The following TSPAN14 variants were observed in gnomAD, a reference collection of about 807,000 sequenced individuals.
TSPAN14 encodes the protein tetraspanin-14.
Under a neutral mutation model 36.6 loss-of-function variants are expected in TSPAN14, and 16 were observed. The ratio of observed to expected loss-of-function variants is 0.44; its 90% CI spans 0.30 to 0.66. TSPAN14 has a LOEUF of 0.66. Ranked by LOEUF, TSPAN14 falls within the 30% of genes least tolerant of loss-of-function variation. TSPAN14 has a pLI of 0.12. For missense variants in TSPAN14, 231 were observed against 355.1 expected (o/e 0.65, Z 2.81); for synonymous variants, 139 against 143.8 (o/e 0.97, Z 0.24).
intron 1 of TSPAN14, among the ~76,000 whole-genome samples, chr10:80,458,852 T>C (rs1452293250): frequency 6.6e-6 from 1 of 152,088 alleles, no homozygotes; most frequent in Non-Finnish European, 1.5e-5. Flanking sequence ...CCGCTCTCAA[T>C]TAAACGTGAA....
intron 7 of TSPAN14, 182 bp from the exon 8 acceptor site, chr10:80,516,022 C>A: frequency 1.2e-6 from 1 of 830,342 alleles, no homozygotes; most frequent in Non-Finnish European, 1.8e-6. Context: ...TGGCACAGTG[C>A]CCAGCGAGGG....
At chr10:80,460,432 G>A (rs534403610) in intron 1 of TSPAN14, among the ~76,000 whole-genome samples, 17 of 152,172 alleles carry the variant, frequency 1.1e-4, no homozygotes, top group Non-Finnish European at 2.4e-4. Flanking sequence ...GGAACCCTAG[G>A]TCAGGACCAG....
intron 6 of TSPAN14, 108 bp downstream of exon 6, chr10:80,512,377 G>A: frequency 6.8e-7 from 1 of 1,467,158 alleles, no homozygotes; most frequent in South Asian, 1.4e-5. Context: ...GAGGTCTGAG[G>A]AGCAGGTGTG....
At chr10:80,506,863 T>C (rs1024675260) in intron 3 of TSPAN14, among the ~76,000 whole-genome samples, 1 of 152,190 alleles carries the variant, frequency 6.6e-6, no homozygotes, top group African/African-American at 2.4e-5. Context: ...AGGTGCCAAA[T>C]TGGGGGACTA....
intron 6 of TSPAN14, among the ~76,000 whole-genome samples, chr10:80,513,186 G>A (rs912415794): frequency 3.3e-5 from 5 of 152,110 alleles, no homozygotes; most frequent in East Asian, 1.9e-4. Context: ...GGTGTGGGCC[G>A]CTGTGCCTGT....
chr10:80,489,863 A>T (rs562713305), intron 2 of TSPAN14, among the ~76,000 whole-genome samples: 1 of 152,158 alleles, frequency 6.6e-6, no homozygotes, highest in Non-Finnish European at 1.5e-5. Context: ...TTGAGTACTA[A>T]TGAAGAGGCA....
At chr10:80,507,204 C>T in intron 3 of TSPAN14, 24 bp from the exon 4 acceptor site, 1 of 1,614,132 alleles carries the variant, frequency 6.2e-7, no homozygotes, top group South Asian at 1.1e-5. Flanking sequence ...GCCAGTGCTG[C>T]CCTGCTTTCT....
chr10:80,481,083 T>A (rs919583633), intron 1 of TSPAN14, among the ~76,000 whole-genome samples: 8 of 151,406 alleles, frequency 5.3e-5, no homozygotes, highest in Non-Finnish European at 1.0e-4. Context: ...CCAGCCAGGG[T>A]GAAGGAGTGA....
chr10:80,461,892 C>A (rs1371980493), intron 1 of TSPAN14, among the ~76,000 whole-genome samples: 3 of 150,430 alleles, frequency 2.0e-5, no homozygotes. Context: ...ATGGTTCTCA[C>A]TGTTGTGAGA....
intron 1 of TSPAN14, among the ~76,000 whole-genome samples, chr10:80,487,605 C>T (rs899580992): frequency 3.3e-5 from 5 of 152,124 alleles, no homozygotes; most frequent in Non-Finnish European, 7.3e-5. Context: ...TCCCTGCAGC[C>T]GCTCTGGCCC....
chr10:80,499,119 G>A (rs774457430), intron 2 of TSPAN14, among the ~76,000 whole-genome samples: 2 of 152,218 alleles, frequency 1.3e-5, no homozygotes, highest in African/African-American at 2.4e-5. Flanking sequence ...AAGGAGCCAA[G>A]GCCATTAAAT....
intron 1 of TSPAN14, among the ~76,000 whole-genome samples, chr10:80,457,720 G>C (rs1845795513): frequency 6.6e-6 from 1 of 152,210 alleles, no homozygotes; most frequent in Non-Finnish European, 1.5e-5. Flanking sequence ...CTAAGGCCAG[G>C]GAATGGGAAG....
chr10:80,516,082 C>A, intron 7 of TSPAN14, 122 bp from the exon 8 acceptor site: 1 of 1,487,654 alleles, frequency 6.7e-7, no homozygotes, highest in Non-Finnish European at 9.2e-7. Flanking sequence ...TCCTCCTTGC[C>A]TGCCTCCTGG....
chr10:80,458,956 A>G (rs1396574540), intron 1 of TSPAN14, among the ~76,000 whole-genome samples: 1 of 151,150 alleles, frequency 6.6e-6, no homozygotes. Flanking sequence ...AGTGACCTAC[A>G]CAAGTCTTTG....
intron 1 of TSPAN14, among the ~76,000 whole-genome samples, chr10:80,457,254 C>T (rs993468306): frequency 7.3e-5 from 11 of 151,388 alleles, no homozygotes; most frequent in African/African-American, 2.2e-4. Flanking sequence ...GGCGTGATCT[C>T]GGCTCACTGC....
intron 1 of TSPAN14, among the ~76,000 whole-genome samples, chr10:80,464,502 C>G (rs1846138140): frequency 2.0e-5 from 3 of 152,142 alleles, no homozygotes; most frequent in African/African-American, 7.2e-5. Flanking sequence ...TTTCACTGCC[C>G]CATGCCAGGG....
At chr10:80,485,127 T>C (rs1439790313) in intron 1 of TSPAN14, among the ~76,000 whole-genome samples, 1 of 152,228 alleles carries the variant, frequency 6.6e-6, no homozygotes, top group Non-Finnish European at 1.5e-5. Flanking sequence ...GATTCTTCTC[T>C]GCTGGAATGG....
At chr10:80,510,482 G>A (rs1840555437) in intron 5 of TSPAN14, among the ~76,000 whole-genome samples, 2 of 151,952 alleles carry the variant, frequency 1.3e-5, no homozygotes, top group South Asian at 4.1e-4. Context: ...TCATTTTCAC[G>A]TAGCCTTGGC....
At chr10:80,510,754 G>T (rs1399723771) in intron 5 of TSPAN14, among the ~76,000 whole-genome samples, 1 of 151,942 alleles carries the variant, frequency 6.6e-6, no homozygotes. Context: ...GGCACCTGTA[G>T]TCCCAGCTAC....
Sources: gnomAD v4.1 joint callset for allele counts (sites outside exome capture counted in the v4.1 genomes callset) on GRCh38, gnomAD v4.1.1 for gene constraint, MANE v1.5 for transcripts, NCBI Gene and HGNC (gene_info 2026-07-23, HGNC 2026-07-21) for gene names.